The following REDIC1 variants were observed in gnomAD, a reference collection of about 807,000 sequenced individuals.
REDIC1 encodes HEI10 Interacting Protein 1.
the REDIC1 span, among the ~76,000 whole-genome samples, chr12:39,704,147 T>A: frequency 6.6e-6 from 1 of 151,326 alleles, no homozygotes; most frequent in East Asian, 1.9e-4. Flanking sequence ...ACCTACAAAA[T>A]GGGAGAAAAT....
At chr12:39,756,307 C>T in the REDIC1 span, 1 of 151,924 alleles carries the variant, frequency 6.6e-6, no homozygotes, top group South Asian at 2.1e-4. Flanking sequence ...TCATCTATTT[C>T]TTTTACTCAT....
At chr12:39,762,908 A>G in the REDIC1 span, among the ~76,000 whole-genome samples, 1 of 81,862 alleles carries the variant, frequency 1.2e-5, no homozygotes, top group Non-Finnish European at 2.4e-5. Flanking sequence ...AAATTTCATT[A>G]CTGTTGCCTC....
chr12:39,852,124 A>G, the REDIC1 span, among the ~76,000 whole-genome samples: 1 of 152,202 alleles, frequency 6.6e-6, no homozygotes, highest in African/African-American at 2.4e-5. Flanking sequence ...TAATTATCTA[A>G]TACTGCTTGT....
the REDIC1 span, among the ~76,000 whole-genome samples, chr12:39,674,226 C>T: frequency 8.5e-5 from 13 of 152,200 alleles, no homozygotes; most frequent in East Asian, 2.3e-3. Flanking sequence ...AGGATAATAC[C>T]TGTCACTTTG....
At chr12:39,721,442 A>G in the REDIC1 span, 4 of 536,194 alleles carry the variant, frequency 7.5e-6, no homozygotes, top group Non-Finnish European at 9.8e-6. Flanking sequence ...TTTAATTTGT[A>G]TATAGCCATT....
the REDIC1 span, among the ~76,000 whole-genome samples, chr12:39,732,693 C>T: frequency 5.3e-5 from 8 of 152,190 alleles, no homozygotes; most frequent in African/African-American, 1.7e-4. Context: ...CTGTCATCCT[C>T]TGAAGATGAG....
the REDIC1 span, among the ~76,000 whole-genome samples, chr12:39,850,881 T>C: frequency 4.6e-5 from 7 of 152,094 alleles, no homozygotes; most frequent in Admixed American, 3.9e-4. Context: ...AAGAGCTGAA[T>C]ATTTAGGCCC....
the REDIC1 span, among the ~76,000 whole-genome samples, chr12:39,647,330 T>C: frequency 6.6e-6 from 1 of 152,118 alleles, no homozygotes; most frequent in African/African-American, 2.4e-5. Flanking sequence ...AAAATTTTAA[T>C]CAATTAGAAA....
chr12:39,873,530 A>G, the REDIC1 span, among the ~76,000 whole-genome samples: 14 of 152,370 alleles, frequency 9.2e-5, no homozygotes, highest in South Asian at 2.9e-3. Context: ...TCAAATATTT[A>G]AAGCCAAAAG....
the REDIC1 span, chr12:39,756,074 C>G: frequency 1.2e-4 from 18 of 151,920 alleles, no homozygotes; most frequent in African/African-American, 4.3e-4. Flanking sequence ...TTATAGACTG[C>G]TACAACCTGA....
the REDIC1 span, among the ~76,000 whole-genome samples, chr12:39,905,043 C>T: frequency 1.3e-5 from 2 of 152,094 alleles, no homozygotes; most frequent in African/African-American, 4.8e-5. Flanking sequence ...TAGTGACAAG[C>T]CACCAAATTA....
At chr12:39,798,859 A>G in the REDIC1 span, among the ~76,000 whole-genome samples, 1 of 151,928 alleles carries the variant, frequency 6.6e-6, no homozygotes, top group Non-Finnish European at 1.5e-5. Context: ...TTAATGCACT[A>G]TTATGTATTT....
At chr12:39,808,979 G>C in the REDIC1 span, among the ~76,000 whole-genome samples, 1 of 151,830 alleles carries the variant, frequency 6.6e-6, no homozygotes, top group Admixed American at 6.6e-5. Context: ...CTATCTACTT[G>C]CTTACCCTGA....
the REDIC1 span, among the ~76,000 whole-genome samples, chr12:39,844,235 T>C: frequency 6.6e-6 from 1 of 152,114 alleles, no homozygotes. Context: ...CACTAGCTTT[T>C]CTACTTATTG....
At chr12:39,646,535 T>C in the REDIC1 span, 6 of 1,385,636 alleles carry the variant, frequency 4.3e-6, no homozygotes, top group Non-Finnish European at 5.8e-6. Flanking sequence ...CACTCGAAAA[T>C]GTATAAAATA....
the REDIC1 span, among the ~76,000 whole-genome samples, chr12:39,712,340 GTA>G: frequency 1.1e-3 from 74 of 66,976 alleles, no homozygotes; most frequent in African/African-American, 3.2e-3. Flanking sequence ...TTATATACCT[GTA>G]TTTATATATA....
the REDIC1 span, among the ~76,000 whole-genome samples, chr12:39,877,986 G>A: frequency 6.6e-6 from 1 of 152,098 alleles, no homozygotes; most frequent in Non-Finnish European, 1.5e-5. Context: ...TACCTCCCCT[G>A]ACCCACTCTC....
the REDIC1 span, among the ~76,000 whole-genome samples, chr12:39,827,238 G>A: frequency 6.6e-6 from 1 of 151,896 alleles, no homozygotes; most frequent in Non-Finnish European, 1.5e-5. Context: ...CTTCACAAAG[G>A]CAGTGTGAAA....
the REDIC1 span, among the ~76,000 whole-genome samples, chr12:39,706,454 A>G: frequency 6.6e-6 from 1 of 152,054 alleles, no homozygotes; most frequent in African/African-American, 2.4e-5. Flanking sequence ...TGAAAAACCA[A>G]TTCCAAAATG....
Sources: allele counts gnomAD v4.1 joint callset (sites outside exome capture counted in the v4.1 genomes callset), GRCh38; gene constraint gnomAD v4.1.1; transcripts MANE v1.5; gene names NCBI Gene and HGNC (gene_info 2026-07-23, HGNC 2026-07-21).